The following PPP2R2C variants were observed in gnomAD, a reference collection of about 807,000 sequenced individuals.
PPP2R2C encodes the protein protein phosphatase 2, regulatory subunit B, gamma.
PPP2R2C carries 10 observed loss-of-function variants against 45.3 expected under a neutral mutation model. The ratio of observed to expected loss-of-function variants is 0.22; its 90% CI spans 0.14 to 0.37. The LOEUF (loss-of-function observed/expected upper bound fraction) is 0.37, where lower values mean the gene tolerates loss of function less well. Among genes scored for constraint, PPP2R2C ranks in the 10% least tolerant of loss-of-function variants. The probability of loss-of-function intolerance (pLI) is 1.00; values close to 1 mark genes in which losing one functional copy is unlikely to be tolerated. For missense variants in PPP2R2C, 308 were observed against 619.7 expected, an observed-to-expected ratio of 0.50 and a Z score of 5.34; for synonymous variants, 257 against 245.4, an observed-to-expected ratio of 1.05 and a Z score of -0.44.
chr4:6,343,809 C>T (rs1306208055), intron 6 of PPP2R2C, among the ~76,000 whole-genome samples: 1 of 152,026 alleles, frequency 6.6e-6, no homozygotes, highest in Non-Finnish European at 1.5e-5. Context: ...ATCAACTGCT[C>T]CAGAAAAAGA....
chr4:6,346,751 T>C (rs1711985262), intron 6 of PPP2R2C, among the ~76,000 whole-genome samples: 1 of 152,148 alleles, frequency 6.6e-6, no homozygotes, highest in Admixed American at 6.5e-5. Context: ...GTGTGCACCC[T>C]GTCTCTGACT....
Position 6,380,992 on chromosome 4 carries a change from C to G in PPP2R2C, c.168+5G>C. 1 of 1,514,058 alleles carries G rather than the reference C, an allele frequency of 6.6e-7. No homozygotes were observed. The allele number at this position is 1,514,058 out of a possible 1,614,324, so 93.8% of individuals were successfully genotyped here. A position where few individuals can be genotyped will look rare whatever the true frequency, so the allele number is the denominator to read the frequency against. Reference sequence around the variant, plus strand: ...CCACCTCCCACCAGACCCAGGGCTTCGCACCTCTGGTTCCCGCTGGAAGAT... The same window carrying G: ...CCACCTCCCACCAGACCCAGGGCTTGGCACCTCTGGTTCCCGCTGGAAGAT... On this transcript the variant is annotated splice_donor_5th_base_variant and intron_variant, in intron 2 of 8. Transcript: ENST00000382599.
chr4:6,557,066 T>C (rs1725425778), intron 1 of PPP2R2C, among the ~76,000 whole-genome samples: 1 of 152,130 alleles, frequency 6.6e-6, no homozygotes, highest in South Asian at 2.1e-4. Context: ...GGTACAAGCC[T>C]CCTTAGAAGA....
intron 8 of PPP2R2C, among the ~76,000 whole-genome samples, chr4:6,325,446 TG>T (rs1731865156): frequency 1.3e-5 from 2 of 152,150 alleles, no homozygotes; most frequent in Non-Finnish European, 2.9e-5. Flanking sequence ...ACAGGCTGAC[TG>T]GGGGAGGCCA....
chr4:6,371,807 G>C (rs1197463177), intron 5 of PPP2R2C, among the ~76,000 whole-genome samples: 2 of 152,196 alleles, frequency 1.3e-5, no homozygotes, highest in South Asian at 2.1e-4. Context: ...CTGGCACACA[G>C]AGTCTCACTG....
chr4:6,386,027 G>T (rs759341755), intron 1 of PPP2R2C, among the ~76,000 whole-genome samples: 1 of 152,262 alleles, frequency 6.6e-6, no homozygotes. Context: ...ATTACTGTCT[G>T]CCAGGCCCTG....
chr4:6,539,651 G>A (rs959764506), intron 1 of PPP2R2C, among the ~76,000 whole-genome samples: 7 of 152,182 alleles, frequency 4.6e-5, no homozygotes, highest in Non-Finnish European at 8.8e-5. Flanking sequence ...CTACAGAAGC[G>A]CCTGCCGACC....
At position 6,491,772 on chromosome 4, in the gene PPP2R2C, T is replaced by G. The variant is rs375193576; in HGVS notation, c.49+43499A>C. 2.1e-3 allele frequency among the ~76,000 whole-genome samples: 326 copies of G among 152,290 alleles called. No individual in the cohort carries two copies. In the Middle Eastern group the frequency reaches 0.024, roughly 11 times the overall value. On this transcript the variant is annotated intron_variant, in intron 2 of 9. Transcript: ENST00000506140. ...GGCACTTCCCCCTTCTCTCTCTCTC[T>G]CCTGCTGGCCATGTGAATATGTGCC...
At chr4:6,455,978 C>T (rs541642000) in intron 1 of PPP2R2C, among the ~76,000 whole-genome samples, 13 of 146,564 alleles carry the variant, frequency 8.9e-5, no homozygotes, top group African/African-American at 3.0e-4. Context: ...CTCCCTCATT[C>T]CAGAAATCCT....
At chr4:6,363,311 G>A (rs918101828) in intron 5 of PPP2R2C, among the ~76,000 whole-genome samples, 1 of 152,202 alleles carries the variant, frequency 6.6e-6, no homozygotes, top group African/African-American at 2.4e-5. Context: ...AGGTGCGGTG[G>A]CTAACGCCTG....
chr4:6,323,703 C>A (rs981132236), intron 8 of PPP2R2C, 110 bp from the exon 9 acceptor site: 1 of 1,151,700 alleles, frequency 8.7e-7, no homozygotes, highest in Non-Finnish European at 1.2e-6. Flanking sequence ...TGGGAGGCCC[C>A]GGTGGGAGGA....
At chr4:6,526,632 T>A (rs545306858) in intron 2 of PPP2R2C, among the ~76,000 whole-genome samples, 1 of 152,264 alleles carries the variant, frequency 6.6e-6, no homozygotes, top group South Asian at 2.1e-4. Flanking sequence ...AGCGAGAATG[T>A]CCATCCATCT....
chr4:6,374,484 A>T (rs1414516522), intron 4 of PPP2R2C, among the ~76,000 whole-genome samples: 1 of 152,224 alleles, frequency 6.6e-6, no homozygotes, highest in Non-Finnish European at 1.5e-5. Flanking sequence ...CTAAGGACAG[A>T]CAGTGTCGGA....
At chr4:6,381,219 C>T in intron 1 of PPP2R2C, 125 bp from the exon 2 acceptor site, 1 of 1,540,562 alleles carries the variant, frequency 6.5e-7, no homozygotes, top group Non-Finnish European at 8.7e-7. Flanking sequence ...GGGCAGGAGG[C>T]AGCAGGGAGC....
At chr4:6,491,939 G>A (rs1189155599) in intron 2 of PPP2R2C, among the ~76,000 whole-genome samples, 1 of 152,136 alleles carries the variant, frequency 6.6e-6, no homozygotes, top group Non-Finnish European at 1.5e-5. Context: ...GTTCCTTATA[G>A]CAATGCGAGA....
intron 1 of PPP2R2C, chr4:6,555,808 G>A (rs1560621087): frequency 2.0e-5 from 3 of 152,174 alleles, no homozygotes; most frequent in African/African-American, 7.3e-5. Context: ...GAACCAACCT[G>A]CCCCCCGGGT....
chr4:6,365,574 G>A (rs1714228163), intron 5 of PPP2R2C, among the ~76,000 whole-genome samples: 1 of 152,210 alleles, frequency 6.6e-6, no homozygotes, highest in East Asian at 1.9e-4. Flanking sequence ...GGTAGAGCCT[G>A]GGCTCAGGGT....
chr4:6,425,837 G>T (rs1158931825), intron 1 of PPP2R2C, among the ~76,000 whole-genome samples: 2 of 150,726 alleles, frequency 1.3e-5, no homozygotes, highest in African/African-American at 2.4e-5. Flanking sequence ...GTGTGTGTGT[G>T]GTGTGTGTGT....
At chr4:6,384,034 G>C (rs973230071) in intron 1 of PPP2R2C, 15 of 985,404 alleles carry the variant, frequency 1.5e-5, no homozygotes, top group Non-Finnish European at 1.6e-5. Context: ...AAAAAGACAA[G>C]ATAAGAAAAG....
Sources: gnomAD v4.1 joint callset for allele counts (sites outside exome capture counted in the v4.1 genomes callset) on GRCh38, gnomAD v4.1.1 for gene constraint, MANE v1.5 for transcripts, NCBI Gene and HGNC (gene_info 2026-07-23, HGNC 2026-07-21) for gene names.